Variants in MYO16 observed in about 807,000 individuals in gnomAD.
MYO16 encodes the protein myosin XVI, also known as unconventional myosin-XVI.
Under a neutral mutation model 205.3 loss-of-function variants are expected in MYO16, and 94 were observed. That is an observed-to-expected ratio of 0.46 (90% confidence interval 0.39 to 0.54). MYO16 has a LOEUF of 0.54. Among genes scored for constraint, MYO16 ranks in the 20% least tolerant of loss-of-function variants. The pLI is 0.00. For synonymous variants in MYO16, 988 were observed against 954.0 expected (o/e 1.04, Z -0.66); for missense variants, 2,315 against 2,387.5 (o/e 0.97, Z 0.63).
the MYO16 span, among the ~76,000 whole-genome samples, chr13:108,559,230 C>T: frequency 6.6e-6 from 1 of 151,830 alleles, no homozygotes; most frequent in Non-Finnish European, 1.5e-5. Flanking sequence ...TGTGAAGACA[C>T]ATAGGGAGCA....
chr13:108,979,633 A>C (rs1375448603), intron 20 of MYO16, among the ~76,000 whole-genome samples: 5 of 152,116 alleles, frequency 3.3e-5, no homozygotes, highest in African/African-American at 1.2e-4. Context: ...CAAATATCGG[A>C]GACAAACCTG....
intron 15 of MYO16, among the ~76,000 whole-genome samples, chr13:108,903,488 A>G (rs1294686371): frequency 6.6e-6 from 1 of 152,182 alleles, no homozygotes; most frequent in Non-Finnish European, 1.5e-5. Context: ...GTTACATTCC[A>G]AGGTATTGAG....
intron 20 of MYO16, among the ~76,000 whole-genome samples, chr13:108,974,919 G>A: frequency 6.6e-6 from 1 of 152,176 alleles, no homozygotes; most frequent in South Asian, 2.1e-4. Flanking sequence ...CTGTAGGCAA[G>A]CTATTAAAAT....
At chr13:108,718,915 T>A (rs1359201313) in intron 3 of MYO16, among the ~76,000 whole-genome samples, 1 of 152,078 alleles carries the variant, frequency 6.6e-6, no homozygotes, top group Non-Finnish European at 1.5e-5. Context: ...ATGCATGGCT[T>A]AGGGGACAAA....
intron 24 of MYO16, among the ~76,000 whole-genome samples, chr13:109,051,646 G>A (rs1270029581): frequency 2.6e-5 from 4 of 151,982 alleles, no homozygotes; most frequent in African/African-American, 9.7e-5. Context: ...TTCTTCCTGA[G>A]GTGTCAAGAA....
chr13:108,583,124 G>A, the MYO16 span, among the ~76,000 whole-genome samples: 1 of 152,072 alleles, frequency 6.6e-6, no homozygotes, highest in African/African-American at 2.4e-5. Context: ...GGCTGTTACA[G>A]TTTATATAAA....
chr13:108,771,003 A>G (rs1349945354), intron 4 of MYO16, among the ~76,000 whole-genome samples: 1 of 152,236 alleles, frequency 6.6e-6, no homozygotes, highest in Non-Finnish European at 1.5e-5. Context: ...TAGTATCACA[A>G]TGCAATTCCC....
intron 28 of MYO16, among the ~76,000 whole-genome samples, chr13:109,120,001 C>T (rs1566515998): frequency 6.6e-6 from 1 of 152,116 alleles, no homozygotes. Context: ...ACTCAAACTC[C>T]CTGCTATGAG....
intron 4 of MYO16, among the ~76,000 whole-genome samples, chr13:108,742,959 G>T (rs866161864): frequency 2.0e-5 from 3 of 152,108 alleles, no homozygotes; most frequent in Admixed American, 6.5e-5. Flanking sequence ...TAGATAAAAG[G>T]TTTCCATTTT....
At chr13:108,902,791 T>C (rs578257538) in intron 15 of MYO16, among the ~76,000 whole-genome samples, 4 of 152,348 alleles carry the variant, frequency 2.6e-5, no homozygotes, top group Admixed American at 1.3e-4. Flanking sequence ...TATGACCTTA[T>C]TGTAACTTGA....
chr13:108,770,703 A>T (rs1885933083), intron 4 of MYO16, among the ~76,000 whole-genome samples: 1 of 152,228 alleles, frequency 6.6e-6, no homozygotes, highest in Non-Finnish European at 1.5e-5. Context: ...CACCCAAAGG[A>T]TATTCTCTCA....
rs1886768504 is a variant in MYO16, at chr13:108,795,631, T to C, written c.741+1991T>C. Among the ~76,000 whole-genome samples, 4 of 152,356 alleles carry C rather than the reference T, an allele frequency of 2.6e-5. No individual in the cohort carries two copies. The South Asian group carries it at 8.3e-4, about 32-fold the overall frequency. Reference sequence around the variant, plus strand: ...TGTCATAAGAAAAGAAAGCAAAGCATATTTAGAGTGTTTTGAAAAATAACA... The same window carrying C: ...TGTCATAAGAAAAGAAAGCAAAGCACATTTAGAGTGTTTTGAAAAATAACA... On this transcript the variant is annotated intron_variant, in intron 6 of 34. Coordinates refer to ENST00000457511, the MANE Select transcript of MYO16 (RefSeq NM_001198950.3).
At chr13:108,660,213 T>G (rs1043325962) in intron 1 of MYO16, among the ~76,000 whole-genome samples, 18 of 152,276 alleles carry the variant, frequency 1.2e-4, no homozygotes, top group Non-Finnish European at 7.4e-5. Context: ...CAGGGGACAT[T>G]TGCCTTGTTA....
upstream of MYO16, chr13:108,629,412 C>T (rs1879871679): frequency 6.3e-6 from 1 of 157,896 alleles, no homozygotes; most frequent in African/African-American, 2.4e-5. Context: ...TGGCTTCTCT[C>T]CAGCCCACTC....
chr13:108,634,571 C>T (rs920665368), intron 1 of MYO16, among the ~76,000 whole-genome samples: 2 of 152,114 alleles, frequency 1.3e-5, no homozygotes, highest in East Asian at 1.9e-4. Context: ...CCGTGGCCTT[C>T]GACCCTCACC....
intron 1 of MYO16, among the ~76,000 whole-genome samples, chr13:108,641,811 T>C (rs1880515651): frequency 6.6e-6 from 1 of 152,160 alleles, no homozygotes; most frequent in Non-Finnish European, 1.5e-5. Flanking sequence ...CAGTGATACC[T>C]AAAGCACATC....
intron 27 of MYO16, among the ~76,000 whole-genome samples, chr13:109,079,014 C>A (rs1186127651): frequency 1.3e-5 from 2 of 151,656 alleles, no homozygotes; most frequent in Non-Finnish European, 2.9e-5. Context: ...CCAGAAATTC[C>A]TATCTGTGCA....
At chr13:108,841,036 C>A (rs1360343504) in intron 9 of MYO16, among the ~76,000 whole-genome samples, 1 of 152,074 alleles carries the variant, frequency 6.6e-6, no homozygotes, top group African/African-American at 2.4e-5. Context: ...TAAAAATTCA[C>A]AAACAAATTC....
chr13:108,563,920 C>A, the MYO16 span, among the ~76,000 whole-genome samples: 12 of 152,176 alleles, frequency 7.9e-5, no homozygotes, highest in African/African-American at 2.2e-4. Context: ...AAGCTCCAAA[C>A]TGCTCTCCAT....
Sources: gnomAD v4.1 joint callset for allele counts (sites outside exome capture counted in the v4.1 genomes callset) on GRCh38, gnomAD v4.1.1 for gene constraint, MANE v1.5 for transcripts, NCBI Gene and HGNC (gene_info 2026-07-23, HGNC 2026-07-21) for gene names.